The following STPG2 variants were observed in gnomAD, a reference collection of about 807,000 sequenced individuals.
STPG2 encodes sperm-tail PG-rich repeat-containing protein 2.
In STPG2, 56 loss-of-function variants were observed where a neutral mutation model predicts 54.2. The ratio of observed to expected loss-of-function variants is 1.03; its 90% CI spans 0.83 to 1.29. The LOEUF is 1.29. STPG2 is among the 50% of genes most tolerant of loss of function. The pLI is 0.00. For missense variants in STPG2, 596 were observed against 544.9 expected (o/e 1.09, Z -0.93); for synonymous variants, 200 against 181.8 (o/e 1.10, Z -0.81).
intron 8 of STPG2, among the ~76,000 whole-genome samples, chr4:97,862,910 C>T (rs189186352): frequency 2.0e-4 from 30 of 152,196 alleles, no homozygotes; most frequent in Non-Finnish European, 1.5e-5. Context: ...AGAACAAAGA[C>T]ACAACATACC....
chr4:98,039,693 T>C (rs1736889008), intron 5 of STPG2, among the ~76,000 whole-genome samples: 1 of 143,712 alleles, frequency 7.0e-6, no homozygotes, highest in African/African-American at 2.6e-5. Context: ...CATATATATA[T>C]ATATATCTCA....
intron 5 of STPG2, among the ~76,000 whole-genome samples, chr4:98,044,130 A>C (rs1737044844): frequency 6.6e-6 from 1 of 152,102 alleles, no homozygotes; most frequent in African/African-American, 2.4e-5. Flanking sequence ...TTTTACATAT[A>C]TTTGTTATGT....
chr4:98,023,823 C>T (rs1333207503), intron 5 of STPG2, among the ~76,000 whole-genome samples: 1 of 152,200 alleles, frequency 6.6e-6, no homozygotes, highest in Non-Finnish European at 1.5e-5. Context: ...GGTTGTAGGA[C>T]CCTCCGAGCC....
At chr4:97,541,053 A>ATGGC (rs1344733087) in intron 4 of STPG2, among the ~76,000 whole-genome samples, 1 of 152,116 alleles carries the variant, frequency 6.6e-6, no homozygotes, top group Non-Finnish European at 1.5e-5. Flanking sequence ...CCTTTGAAAA[A>ATGGC]TGGCACAAGA....
chr4:97,994,086 T>C (rs932249672), intron 5 of STPG2, among the ~76,000 whole-genome samples: 2 of 152,190 alleles, frequency 1.3e-5, no homozygotes, highest in Non-Finnish European at 2.9e-5. Context: ...TTGTTGTTGT[T>C]TCAATTCATT....
chr4:97,613,514 G>C (rs1021352017), intron 10 of STPG2, among the ~76,000 whole-genome samples: 7 of 147,682 alleles, frequency 4.7e-5, no homozygotes, highest in Non-Finnish European at 1.1e-4. Flanking sequence ...GTGTGTGTGT[G>C]TGTGTATGCA....
chr4:97,722,918 C>G (rs567414142), intron 9 of STPG2, among the ~76,000 whole-genome samples: 1 of 150,436 alleles, frequency 6.6e-6, no homozygotes, highest in Non-Finnish European at 1.5e-5. Flanking sequence ...CTGCCTCAGC[C>G]TCCTGAGTAG....
At chr4:98,092,549 G>A (rs934552692) in intron 5 of STPG2, among the ~76,000 whole-genome samples, 1 of 151,718 alleles carries the variant, frequency 6.6e-6, no homozygotes, top group Non-Finnish European at 1.5e-5. Context: ...GAAATTAATG[G>A]AATAATCCAC....
At chr4:97,613,529 CGT>C (rs1425267561) in intron 10 of STPG2, among the ~76,000 whole-genome samples, 1 of 142,318 alleles carries the variant, frequency 7.0e-6, no homozygotes, top group Non-Finnish European at 1.6e-5. Context: ...TATGCACGTG[CGT>C]GTGTGTGTAT....
intron 8 of STPG2, among the ~76,000 whole-genome samples, chr4:97,937,432 T>C (rs1405231107): frequency 1.3e-5 from 2 of 152,114 alleles, no homozygotes; most frequent in Non-Finnish European, 2.9e-5. Context: ...TGAAGAGGTG[T>C]TGTGATCATT....
chr4:97,859,232 T>C (rs1046730964), intron 8 of STPG2, among the ~76,000 whole-genome samples: 1 of 152,166 alleles, frequency 6.6e-6, no homozygotes, highest in Non-Finnish European at 1.5e-5. Context: ...TGGTCACTTT[T>C]TGATGGGATT....
intron 4 of STPG2, among the ~76,000 whole-genome samples, chr4:97,513,529 A>T (rs555263372): frequency 5.9e-5 from 9 of 152,158 alleles, no homozygotes; most frequent in African/African-American, 1.9e-4. Context: ...CAGTCATCTC[A>T]TTCACATACA....
chr4:97,849,694 A>G (rs568532234), intron 8 of STPG2, among the ~76,000 whole-genome samples: 15 of 152,236 alleles, frequency 9.9e-5, no homozygotes, highest in South Asian at 2.1e-4. Flanking sequence ...TGGCCATCAG[A>G]GAAATGCAAA....
At chr4:98,086,624 A>G in intron 5 of STPG2, among the ~76,000 whole-genome samples, 1 of 150,242 alleles carries the variant, frequency 6.7e-6, no homozygotes. Flanking sequence ...AACTTAATAG[A>G]CAAATAGAAA....
At chr4:97,690,204 GA>G (rs1387047842) in intron 10 of STPG2, among the ~76,000 whole-genome samples, 1 of 151,956 alleles carries the variant, frequency 6.6e-6, no homozygotes, top group Non-Finnish European at 1.5e-5. Flanking sequence ...TAGAGTAATT[GA>G]TTTTTTTTAC....
chr4:97,488,309 A>G (rs1730420930), intron 4 of STPG2, among the ~76,000 whole-genome samples: 1 of 151,728 alleles, frequency 6.6e-6, no homozygotes, highest in African/African-American at 2.4e-5. Flanking sequence ...ACATTGTTCT[A>G]AGCACTTCAA....
intron 7 of STPG2, among the ~76,000 whole-genome samples, chr4:97,946,650 G>A (rs1252906979): frequency 6.6e-6 from 1 of 152,038 alleles, no homozygotes; most frequent in Non-Finnish European, 1.5e-5. Flanking sequence ...TGAATAGGGT[G>A]TCCATTCCCC....
At chr4:97,668,342 T>C (rs986984390) in intron 10 of STPG2, among the ~76,000 whole-genome samples, 4 of 152,136 alleles carry the variant, frequency 2.6e-5, no homozygotes, top group African/African-American at 9.7e-5. Context: ...GTGAAACATC[T>C]TGATGGCTAG....
chr4:97,605,110 T>C (rs541008667), intron 10 of STPG2, among the ~76,000 whole-genome samples: 15 of 151,894 alleles, frequency 9.9e-5, no homozygotes, highest in East Asian at 1.9e-4. Flanking sequence ...TTTACTTAGT[T>C]TGACAGTTAT....
Sources: gnomAD v4.1 joint callset for allele counts (sites outside exome capture counted in the v4.1 genomes callset) on GRCh38, gnomAD v4.1.1 for gene constraint, MANE v1.5 for transcripts, NCBI Gene and HGNC (gene_info 2026-07-23, HGNC 2026-07-21) for gene names.